C2orf80: variants seen among roughly 807,000 people sequenced by gnomAD.
The protein encoded by C2orf80 is chromosome 2 open reading frame 80.
Under a neutral mutation model 30.2 loss-of-function variants are expected in C2orf80, and 28 were observed. The ratio of observed to expected loss-of-function variants is 0.93; its 90% CI spans 0.69 to 1.27. C2orf80 has a LOEUF of 1.27. Ranked by LOEUF, C2orf80 falls within the 50% of genes most tolerant of loss-of-function variation. The pLI is 0.00. For synonymous variants in C2orf80, 80 were observed against 76.4 expected (o/e 1.05, Z -0.24); for missense variants, 220 against 231.0 (o/e 0.95, Z 0.31).
At chr2:208,188,446 G>T (rs959489635) in intron 1 of C2orf80, among the ~76,000 whole-genome samples, 12 of 150,492 alleles carry the variant, frequency 8.0e-5, no homozygotes, top group Non-Finnish European at 1.8e-4. Context: ...TCATTATTTT[G>T]GATTTTTTTT....
intron 3 of C2orf80, 126 bp from the exon 4 acceptor site, chr2:208,183,173 A>G: frequency 1.5e-6 from 1 of 650,758 alleles, no homozygotes; most frequent in Non-Finnish European, 2.6e-6. Flanking sequence ...GGGAAGGATC[A>G]TTAGCTTTAA....
Position 208,171,423 on chromosome 2 carries a change from C to T in C2orf80, c.455-360G>A, listed in dbSNP as rs192196097. On this transcript the variant is annotated intron_variant, in intron 7 of 8. Transcript: ENST00000341287. ...GCAACCTCTGCCTCCCAGATTCAAG[C>T]GATTATCTCGCCTCAGCCTCCTGAG... 3.3e-3 allele frequency among the ~76,000 whole-genome samples: 505 copies of T among 151,938 alleles called. 2 individuals carry two copies. The highest frequency in any genetic ancestry group is 0.011 in the African/African-American group (472 of 41,534).
chr2:208,181,456 C>A, intron 4 of C2orf80, 151 bp from the exon 5 acceptor site: 1 of 554,338 alleles, frequency 1.8e-6, no homozygotes, highest in South Asian at 2.8e-5. Flanking sequence ...GTTCCTCCAT[C>A]GGTGAAATCC....
chr2:208,182,869 G>C (rs1574372795), intron 4 of C2orf80, 96 bp downstream of exon 4: 1 of 983,214 alleles, frequency 1.0e-6, no homozygotes, highest in South Asian at 1.3e-5. Context: ...TCAAATCAAA[G>C]TGCCTCATGA....
At chr2:208,173,069 A>G (rs1696153533) in intron 6 of C2orf80, among the ~76,000 whole-genome samples, 1 of 141,884 alleles carries the variant, frequency 7.0e-6, no homozygotes, top group African/African-American at 2.6e-5. Flanking sequence ...CAGTGAGCCG[A>G]GATTGCGTCA....
At chr2:208,184,843 G>A (rs1421036294) in intron 3 of C2orf80, 108 bp downstream of exon 3, 17 of 777,788 alleles carry the variant, frequency 2.2e-5, no homozygotes, top group Non-Finnish European at 2.9e-5. Flanking sequence ...ACATTTGGGG[G>A]ATGGGTGTCA....
intron 1 of C2orf80, among the ~76,000 whole-genome samples, chr2:208,187,446 C>T (rs914006517): frequency 6.6e-6 from 1 of 152,066 alleles, no homozygotes; most frequent in African/African-American, 2.4e-5. Flanking sequence ...AGTGAGTTCA[C>T]CCTGGCTCAG....
intron 8 of C2orf80, 67 bp downstream of exon 8, chr2:208,170,878 C>T (rs1272886076): frequency 2.7e-5 from 35 of 1,273,436 alleles, no homozygotes; most frequent in East Asian, 4.6e-5. Flanking sequence ...CTTTTAACCA[C>T]GGTATCAGGA....
intron 8 of C2orf80, among the ~76,000 whole-genome samples, chr2:208,168,132 C>A (rs1010421268): frequency 4.6e-5 from 7 of 151,952 alleles, no homozygotes; most frequent in African/African-American, 1.7e-4. Flanking sequence ...ATACTTATTC[C>A]TTTAATATAG....
intron 8 of C2orf80, among the ~76,000 whole-genome samples, chr2:208,166,833 G>A (rs1695910443): frequency 6.6e-6 from 1 of 152,004 alleles, no homozygotes; most frequent in Admixed American, 6.6e-5. Flanking sequence ...CTATTTTTTA[G>A]TAGAGATGGG....
At chr2:208,172,134 G>A in intron 6 of C2orf80, 59 bp from the exon 7 acceptor site, 1 of 1,274,720 alleles carries the variant, frequency 7.8e-7, no homozygotes, top group Middle Eastern at 1.9e-4. Flanking sequence ...ATGAACACCT[G>A]CTAGTCACAG....
intron 8 of C2orf80, among the ~76,000 whole-genome samples, chr2:208,166,762 C>A (rs1283823888): frequency 2.0e-5 from 3 of 152,084 alleles, no homozygotes; most frequent in Non-Finnish European, 4.4e-5. Context: ...TCATGCCATT[C>A]TCCTGCCTCA....
rs368341183 is a variant in C2orf80, at chr2:208,184,976, C to T, written c.98G>A (p.Arg33Gln). The T allele has an allele frequency of 4.3e-6, 7 of 1,613,630 alleles. No homozygotes were observed. Among genetic ancestry groups the T allele is most frequent in the African/African-American group, 1.3e-5 (1 of 74,886 alleles). Residue 33 changes from arginine (R) to glutamine (Q), a missense_variant, in exon 3 of 9, where the codon CGG becomes CAG. Transcript: ENST00000341287. ...RENEFDPKGR[R>Q]QLTFLDDMAH... ...CATATCATCTAGAAAGGTGAGTTGC[C>T]GTCTTCCTTTTGGGTCAAATTCATT...
chr2:208,185,094 G>C, intron 2 of C2orf80, 62 bp from the exon 3 acceptor site: 1 of 1,321,976 alleles, frequency 7.6e-7, no homozygotes, highest in Non-Finnish European at 1.1e-6. Context: ...TGCAGAAAAA[G>C]GCTTTTTTTT....
Position 208,165,696 on chromosome 2 carries a change from A to G in C2orf80, c.*111T>C. ...AATAACACTTCAGTGCAGTTGTACC[A>G]AAAACAGTTGTAAAGAAAAATGTAC... On this transcript the variant is annotated 3_prime_UTR_variant, in exon 9 of 9. Transcript: ENST00000341287. 1.4e-6 allele frequency: 2 copies of G among 1,473,018 alleles called. No homozygotes were observed. The highest frequency in any genetic ancestry group is 2.0e-5 in the Admixed American group (1 of 50,684). The allele number at this position is 1,473,018 out of a possible 1,614,324, so 91.2% of individuals were successfully genotyped here.
chr2:208,180,658 T>C, intron 6 of C2orf80, 87 bp downstream of exon 6: 1 of 998,586 alleles, frequency 1.0e-6, no homozygotes, highest in Non-Finnish European at 1.5e-6. Context: ...TCATAATTGA[T>C]GTCTGAAAAT....
At chr2:208,171,215 G>A (rs904021109) in intron 7 of C2orf80, 152 bp from the exon 8 acceptor site, 49 of 610,220 alleles carry the variant, frequency 8.0e-5, no homozygotes, top group East Asian at 4.8e-4. Context: ...GTTCCATCAC[G>A]GCTCATTGCA....
intron 6 of C2orf80, among the ~76,000 whole-genome samples, chr2:208,179,519 C>G (rs567130653): frequency 1.3e-5 from 2 of 152,320 alleles, no homozygotes; most frequent in South Asian, 2.1e-4. Context: ...CCCCTTCCCC[C>G]CTCCCACTGC....
In C2orf80 at chr2:208,190,013, A is replaced by G. The variant is rs753854054; in HGVS notation, c.-136T>C. The stretch of plus-strand genomic sequence containing the variant: ...TCTGCTTCTGGAGGCATGCTGAAGC[A>G]TCCGCGCATCTCAGACTGGTGCTCA... On this transcript the variant is annotated 5_prime_UTR_variant, in exon 1 of 9. The change abolishes an upstream ATG in the 5' untranslated region. Transcript: ENST00000341287. 14 of 702,978 alleles carry G rather than the reference A, an allele frequency of 2.0e-5. No individual in the cohort carries two copies. Among genetic ancestry groups the G allele is most frequent in the Middle Eastern group, 2.3e-4 (1 of 4,370 alleles). The allele number at this position is 702,978 out of a possible 1,614,324, so 43.5% of individuals were successfully genotyped here. A position where few individuals can be genotyped will look rare whatever the true frequency, so the allele number is the denominator to read the frequency against.
Sources: gnomAD v4.1 joint callset for allele counts (sites outside exome capture counted in the v4.1 genomes callset) on GRCh38, gnomAD v4.1.1 for gene constraint, MANE v1.5 for transcripts, NCBI Gene and HGNC (gene_info 2026-07-23, HGNC 2026-07-21) for gene names.